The following RIMS2 variants were observed in gnomAD, a reference collection of about 807,000 sequenced individuals.
RIMS2 encodes the protein regulating synaptic membrane exocytosis protein 2.
RIMS2 carries 59 observed loss-of-function variants against 174.4 expected under a neutral mutation model. The observed-to-expected ratio is 0.34, with a 90% confidence interval of 0.27 to 0.42. RIMS2 has a LOEUF of 0.42. Ranked by LOEUF, RIMS2 falls within the 10% of genes least tolerant of loss-of-function variation. The pLI, the probability that RIMS2 is intolerant of heterozygous loss-of-function variation, is 1.00. For synonymous variants in RIMS2, 606 were observed against 572.5 expected (o/e 1.06, Z -0.84); for missense variants, 1,620 against 1,666.3 (o/e 0.97, Z 0.48).
At chr8:103,819,304 A>T in intron 3 of RIMS2, 1 of 1,391,952 alleles carries the variant, frequency 7.2e-7, no homozygotes, top group Non-Finnish European at 9.3e-7. Flanking sequence ...CTGCACGGGT[A>T]CTGAATCTTC....
chr8:103,533,848 G>A (rs1448220320), intron 1 of RIMS2, among the ~76,000 whole-genome samples: 1 of 152,122 alleles, frequency 6.6e-6, no homozygotes, highest in Non-Finnish European at 1.5e-5. Flanking sequence ...GAATCATCAT[G>A]TGTTACTGAG....
intron 1 of RIMS2, among the ~76,000 whole-genome samples, chr8:103,629,574 A>C (rs1367976690): frequency 6.6e-6 from 1 of 152,198 alleles, no homozygotes; most frequent in African/African-American, 2.4e-5. Flanking sequence ...AATATGTAAA[A>C]GGTACAGGAT....
At chr8:103,713,376 C>G (rs1223673005) in intron 2 of RIMS2, among the ~76,000 whole-genome samples, 3 of 152,120 alleles carry the variant, frequency 2.0e-5, no homozygotes, top group Non-Finnish European at 4.4e-5. Flanking sequence ...TGCTGAATCT[C>G]ACTTAGTCCA....
intron 2 of RIMS2, among the ~76,000 whole-genome samples, chr8:103,762,964 G>A (rs955264059): frequency 2.0e-5 from 3 of 152,026 alleles, no homozygotes; most frequent in Admixed American, 6.6e-5. Flanking sequence ...ATAATATTAG[G>A]GAACCACCCT....
chr8:104,173,434 A>T (rs2098843542), intron 19 of RIMS2, among the ~76,000 whole-genome samples: 1 of 152,046 alleles, frequency 6.6e-6, no homozygotes, highest in African/African-American at 2.4e-5. Context: ...ATAGGATAAC[A>T]ATGACTCTAT....
At chr8:103,562,886 A>T (rs1587819220) in intron 1 of RIMS2, among the ~76,000 whole-genome samples, 1 of 152,048 alleles carries the variant, frequency 6.6e-6, no homozygotes, top group Non-Finnish European at 1.5e-5. Flanking sequence ...CAGGCTCAAC[A>T]CCATGTGGAA....
At chr8:103,822,142 G>T (rs2098755818) in intron 3 of RIMS2, among the ~76,000 whole-genome samples, 1 of 151,628 alleles carries the variant, frequency 6.6e-6, no homozygotes, top group South Asian at 2.1e-4. Context: ...TTCTAGTAGG[G>T]ATTACTAGAA....
At chr8:104,246,689 A>T (rs1362261836) in intron 20 of RIMS2, among the ~76,000 whole-genome samples, 1 of 152,178 alleles carries the variant, frequency 6.6e-6, no homozygotes, top group Non-Finnish European at 1.5e-5. Flanking sequence ...TCGAGTGAAG[A>T]TCTGAAGGAA....
chr8:104,101,018 ATG>A (rs1436066367), intron 19 of RIMS2, among the ~76,000 whole-genome samples: 38 of 142,672 alleles, frequency 2.7e-4, no homozygotes, highest in African/African-American at 6.7e-4. Context: ...TATATTACAT[ATG>A]TAATATATGT....
intron 19 of RIMS2, among the ~76,000 whole-genome samples, chr8:104,210,195 C>A (rs984356947): frequency 1.5e-4 from 23 of 152,094 alleles, no homozygotes; most frequent in Non-Finnish European, 3.1e-4. Flanking sequence ...AAAATGAAGT[C>A]TTTTAAATAT....
chr8:103,697,827 C>T (rs914454683), intron 2 of RIMS2, among the ~76,000 whole-genome samples: 3 of 152,118 alleles, frequency 2.0e-5, no homozygotes, highest in African/African-American at 7.2e-5. Context: ...GAGTTCGAGA[C>T]CAGCCTGGCC....
At chr8:104,117,305 A>T (rs2098294253) in intron 19 of RIMS2, among the ~76,000 whole-genome samples, 1 of 152,184 alleles carries the variant, frequency 6.6e-6, no homozygotes, top group Non-Finnish European at 1.5e-5. Context: ...ATATCTTATA[A>T]TCTAATGTAT....
intron 10 of RIMS2, among the ~76,000 whole-genome samples, chr8:103,927,284 T>C (rs1275727205): frequency 6.6e-6 from 1 of 151,504 alleles, no homozygotes; most frequent in Non-Finnish European, 1.5e-5. Flanking sequence ...GTCCAACGTA[T>C]TTCTGCACAC....
intron 19 of RIMS2, among the ~76,000 whole-genome samples, chr8:104,143,056 T>C (rs2098598927): frequency 6.6e-6 from 1 of 152,204 alleles, no homozygotes; most frequent in African/African-American, 2.4e-5. Context: ...CATTGGAATT[T>C]CAGTTGTAAA....
chr8:103,726,702 A>C, intron 2 of RIMS2, among the ~76,000 whole-genome samples: 1 of 147,752 alleles, frequency 6.8e-6, no homozygotes, highest in East Asian at 1.9e-4. Context: ...ATTTATATTA[A>C]TTATATATAT....
chr8:103,916,090 G>GAGAAACCTGGAGTAT (rs1378097175), intron 7 of RIMS2, among the ~76,000 whole-genome samples: 6 of 151,968 alleles, frequency 3.9e-5, no homozygotes, highest in Admixed American at 3.3e-4. Context: ...CACATATATT[G>GAGAAACCTGGAGTAT]AGAAACCTGG....
chr8:103,581,787 G>T (rs1378428773), intron 1 of RIMS2, among the ~76,000 whole-genome samples: 6 of 152,142 alleles, frequency 3.9e-5, no homozygotes, highest in Admixed American at 6.5e-5. Context: ...TCCCCCATAA[G>T]GATACCTCAC....
chr8:103,584,875 CCTTA>C (rs1318140330), intron 1 of RIMS2, among the ~76,000 whole-genome samples: 2 of 151,842 alleles, frequency 1.3e-5, no homozygotes, highest in Admixed American at 6.6e-5. Flanking sequence ...AGGAGTAAGC[CCTTA>C]CTTATCAGTA....
At chr8:103,651,182 G>T (rs1011191841) in intron 1 of RIMS2, among the ~76,000 whole-genome samples, 5 of 152,232 alleles carry the variant, frequency 3.3e-5, no homozygotes, top group Admixed American at 2.6e-4. Context: ...TCCTGGGCAG[G>T]TCACACAATC....
Sources: gnomAD v4.1 joint callset for allele counts (sites outside exome capture counted in the v4.1 genomes callset) on GRCh38, gnomAD v4.1.1 for gene constraint, MANE v1.5 for transcripts, NCBI Gene and HGNC (gene_info 2026-07-23, HGNC 2026-07-21) for gene names.